The following ELMO1 variants were observed in gnomAD, a reference collection of about 807,000 sequenced individuals.
The protein encoded by ELMO1 is engulfment and cell motility 1.
In ELMO1, 26 loss-of-function variants were observed where a neutral mutation model predicts 98.9. The ratio of observed to expected loss-of-function variants is 0.26; its 90% confidence interval spans 0.19 to 0.36. The LOEUF is 0.36. Ranked by LOEUF, ELMO1 falls within the 10% of genes least tolerant of loss-of-function variation. The pLI, the probability that ELMO1 is intolerant of heterozygous loss-of-function variation, is 1.00. For synonymous variants in ELMO1, 346 were observed against 346.0 expected, an observed-to-expected ratio of 1.00 and a Z score of 0.00; for missense variants, 627 against 935.2, an observed-to-expected ratio of 0.67 and a Z score of 4.30.
chr7:37,091,802 A>C (rs539082592), intron 15 of ELMO1, among the ~76,000 whole-genome samples: 3 of 152,336 alleles, frequency 2.0e-5, no homozygotes, highest in African/African-American at 4.8e-5. Context: ...GCAAAAGGCA[A>C]GTCTTACATG....
intron 14 of ELMO1, among the ~76,000 whole-genome samples, chr7:37,114,576 C>T (rs1425483494): frequency 2.0e-5 from 3 of 152,086 alleles, no homozygotes; most frequent in Admixed American, 6.5e-5. Flanking sequence ...TAGGTTTAGC[C>T]ATGCTGAACC....
chr7:37,428,447 C>G (rs941196003), intron 1 of ELMO1, among the ~76,000 whole-genome samples: 1 of 152,162 alleles, frequency 6.6e-6, no homozygotes, highest in South Asian at 2.1e-4. Context: ...TTGGGCAGAA[C>G]CAGCTAACCA....
intron 15 of ELMO1, among the ~76,000 whole-genome samples, chr7:37,053,241 A>G (rs1394422080): frequency 6.6e-6 from 1 of 151,578 alleles, no homozygotes; most frequent in South Asian, 2.1e-4. Flanking sequence ...TTGGTTACAC[A>G]AGAGAAGTGC....
intron 16 of ELMO1, among the ~76,000 whole-genome samples, chr7:36,895,734 C>T (rs1219369014): frequency 6.6e-6 from 1 of 152,188 alleles, no homozygotes; most frequent in Non-Finnish European, 1.5e-5. Context: ...GGTTCATCTT[C>T]ATCAGGACGC....
At chr7:37,035,233 G>A (rs1795113483) in intron 15 of ELMO1, among the ~76,000 whole-genome samples, 1 of 152,128 alleles carries the variant, frequency 6.6e-6, no homozygotes, top group Non-Finnish European at 1.5e-5. Flanking sequence ...TCTCCTATTA[G>A]CTAGACAATT....
At chr7:36,963,308 G>A (rs1174398209) in intron 16 of ELMO1, among the ~76,000 whole-genome samples, 1 of 152,002 alleles carries the variant, frequency 6.6e-6, no homozygotes, top group Non-Finnish European at 1.5e-5. Context: ...AACCTGGGAG[G>A]AAGAGGTTGC....
chr7:37,000,447 G>C (rs1376234328), intron 16 of ELMO1, among the ~76,000 whole-genome samples: 1 of 152,218 alleles, frequency 6.6e-6, no homozygotes, highest in African/African-American at 2.4e-5. Context: ...GAGTTCTGGG[G>C]AGCTGATTGC....
chr7:36,983,212 C>A (rs1419259166), intron 16 of ELMO1, among the ~76,000 whole-genome samples: 3 of 152,212 alleles, frequency 2.0e-5, no homozygotes, highest in African/African-American at 4.8e-5. Context: ...CAAATCATAC[C>A]AGGCAAATAA....
At chr7:37,374,737 C>G (rs556677635) in intron 1 of ELMO1, among the ~76,000 whole-genome samples, 1 of 150,844 alleles carries the variant, frequency 6.6e-6, no homozygotes, top group South Asian at 2.1e-4. Context: ...GGCAACAGAG[C>G]GAGACTCCAT....
chr7:37,297,986 A>T lies in ELMO1; in HGVS notation c.192+16864T>A, dbSNP rs943267748. The stretch of plus-strand genomic sequence containing the variant: ...GAATGCCATTGGTTTTCTCTAAGTA[A>T]TAGGATTTTGATCTTTTTTTAATTT... On this transcript the variant is annotated intron_variant, in intron 4 of 21. Transcript: ENST00000310758. Among the ~76,000 whole-genome samples the T allele has an allele frequency of 3.7e-4, 57 of 152,156 alleles. 1 individual carries two copies. Among genetic ancestry groups the T allele is most frequent in the Non-Finnish European group, 1.2e-4 (8 of 68,042 alleles).
intron 13 of ELMO1, among the ~76,000 whole-genome samples, chr7:37,175,719 C>T (rs79973718): frequency 0.069 from 10,537 of 152,132 alleles, 519 homozygotes; most frequent in Non-Finnish European, 0.096. Flanking sequence ...TGGTGGTGCA[C>T]GCCTGTAATC....
chr7:37,146,535 ACT>A (rs1298024793), intron 13 of ELMO1, among the ~76,000 whole-genome samples: 1 of 151,482 alleles, frequency 6.6e-6, no homozygotes, highest in Non-Finnish European at 1.5e-5. Context: ...GGGCCCCACC[ACT>A]CTCTCCTCAC....
intron 13 of ELMO1, among the ~76,000 whole-genome samples, chr7:37,149,430 C>T (rs1156706483): frequency 1.3e-5 from 2 of 152,208 alleles, no homozygotes; most frequent in Non-Finnish European, 2.9e-5. Flanking sequence ...GAGCCAAATG[C>T]TTTTTGTACA....
At chr7:37,006,425 G>A (rs1793127540) in intron 16 of ELMO1, among the ~76,000 whole-genome samples, 1 of 152,318 alleles carries the variant, frequency 6.6e-6, no homozygotes, top group South Asian at 2.1e-4. Flanking sequence ...TTACAGGTGA[G>A]AAAGGACTTG....
intron 20 of ELMO1, among the ~76,000 whole-genome samples, chr7:36,867,325 G>A (rs1433511244): frequency 6.6e-6 from 1 of 152,112 alleles, no homozygotes; most frequent in Middle Eastern, 3.2e-3. Context: ...TAAGGAGAGA[G>A]GAGTCTGATA....
At chr7:37,138,680 T>A (rs567665795) in intron 13 of ELMO1, among the ~76,000 whole-genome samples, 1 of 152,250 alleles carries the variant, frequency 6.6e-6, no homozygotes, top group African/African-American at 2.4e-5. Flanking sequence ...TTGACACTAT[T>A]CCAAAAGATA....
Position 37,215,439 on chromosome 7 carries a change from C to T in ELMO1, c.831+1206G>A, listed in dbSNP as rs151074662. Among the ~76,000 whole-genome samples, 840 of 152,260 alleles carry T rather than the reference C, an allele frequency of 5.5e-3. 6 individuals are homozygous for T. Among genetic ancestry groups the T allele is most frequent in the African/African-American group, 0.016 (666 of 41,546 alleles). ...CCTGAAGAGACTGCTCCTCCCAGGT[C>T]TAGCCAATTCCTAGAGATAATAAAT... On this transcript the variant is annotated intron_variant, in intron 11 of 21. Transcript: ENST00000310758.
chr7:37,086,016 T>C (rs1004996917), intron 15 of ELMO1, among the ~76,000 whole-genome samples: 2 of 152,230 alleles, frequency 1.3e-5, no homozygotes, highest in African/African-American at 4.8e-5. Flanking sequence ...GCAACACCGT[T>C]GACCTGCTTT....
At chr7:37,263,934 T>C (rs1021630618) in intron 5 of ELMO1, among the ~76,000 whole-genome samples, 4 of 152,154 alleles carry the variant, frequency 2.6e-5, no homozygotes, top group East Asian at 1.9e-4. Flanking sequence ...TGTGGTACAT[T>C]TGGAGCCCTT....
Sources: allele counts gnomAD v4.1 joint callset (sites outside exome capture counted in the v4.1 genomes callset), GRCh38; gene constraint gnomAD v4.1.1; transcripts MANE v1.5; gene names NCBI Gene and HGNC (gene_info 2026-07-23, HGNC 2026-07-21).